The following RAD51B variants were observed in gnomAD, a reference collection of about 807,000 sequenced individuals.
RAD51B encodes DNA repair protein RAD51 homolog 2.
In RAD51B, 38 loss-of-function variants were observed where a neutral mutation model predicts 42.2. The observed-to-expected ratio is 0.90, with a 90% CI of 0.70 to 1.18. The LOEUF (loss-of-function observed/expected upper bound fraction) is 1.18. Ranked by LOEUF, RAD51B falls within the 50% of genes most tolerant of loss-of-function variation. RAD51B has a pLI of 0.00. For synonymous variants in RAD51B, 154 were observed against 145.2 expected, an observed-to-expected ratio of 1.06 and a Z score of -0.43; for missense variants, 373 against 400.7, an observed-to-expected ratio of 0.93 and a Z score of 0.59.
chr14:68,605,764 A>G (rs1245579900), intron 10 of RAD51B, among the ~76,000 whole-genome samples: 2 of 152,046 alleles, frequency 1.3e-5, no homozygotes, highest in Non-Finnish European at 2.9e-5. Context: ...ATTTGGGGGG[A>G]CACTATCCAA....
chr14:68,074,129 G>T (rs2076796851), intron 7 of RAD51B, among the ~76,000 whole-genome samples: 1 of 152,072 alleles, frequency 6.6e-6, no homozygotes, highest in Non-Finnish European at 1.5e-5. Flanking sequence ...TTTTCAAGTT[G>T]CTTGCTCTCT....
intron 7 of RAD51B, among the ~76,000 whole-genome samples, chr14:68,257,193 T>C (rs980794815): frequency 1.3e-5 from 2 of 152,138 alleles, no homozygotes; most frequent in East Asian, 3.8e-4. Flanking sequence ...TTCCAGGAGC[T>C]TGGGGAAGGA....
At chr14:68,114,729 G>A (rs2077512121) in intron 7 of RAD51B, among the ~76,000 whole-genome samples, 2 of 152,080 alleles carry the variant, frequency 1.3e-5, no homozygotes, top group Non-Finnish European at 2.9e-5. Flanking sequence ...TATTGGATGT[G>A]AGATCATCTG....
intron 7 of RAD51B, among the ~76,000 whole-genome samples, chr14:67,971,256 CT>C (rs2074893353): frequency 1.3e-5 from 2 of 151,802 alleles, no homozygotes; most frequent in Admixed American, 6.6e-5. Flanking sequence ...TAAAAGATTT[CT>C]TGTGTTTGGT....
chr14:68,652,257 C>T (rs560049808), intron 11 of RAD51B, among the ~76,000 whole-genome samples: 59 of 152,306 alleles, frequency 3.9e-4, no homozygotes, highest in Middle Eastern at 3.4e-3. Context: ...CACGCAGCCC[C>T]GATATTCTCC....
At chr14:67,925,236 T>C (rs1156906735) in intron 7 of RAD51B, among the ~76,000 whole-genome samples, 4 of 152,118 alleles carry the variant, frequency 2.6e-5, no homozygotes, top group African/African-American at 9.7e-5. Flanking sequence ...TCTGCAGCTT[T>C]TCTAGGTGAA....
At chr14:68,474,526 C>G (rs969472289) in intron 10 of RAD51B, among the ~76,000 whole-genome samples, 2 of 152,218 alleles carry the variant, frequency 1.3e-5, no homozygotes, top group African/African-American at 2.4e-5. Flanking sequence ...CCCTGATTCT[C>G]ACTTGAGGAA....
Position 68,591,703 on chromosome 14 carries a change from A to G in RAD51B, c.1037-2782A>G, listed in dbSNP as rs556430729. ...GAAAGGGTTCCCCACAACCAGCTGC[A>G]ACAAGGATCTCTCACCCTGTTGCTA... On this transcript the variant is annotated intron_variant, in intron 10 of 10. Transcript: ENST00000487270. Among the ~76,000 whole-genome samples the G allele has an allele frequency of 2.0e-5, 3 of 152,228 alleles. No homozygotes were observed. The South Asian group carries it at 6.2e-4, about 32-fold the overall frequency.
At chr14:68,612,974 T>TGTG (rs1566955263), downstream of RAD51B, among the ~76,000 whole-genome samples, 35 of 151,920 alleles carry the variant, frequency 2.3e-4, no homozygotes, top group African/African-American at 8.2e-4. Flanking sequence ...AGAGGTGTGT[T>TGTG]TGTGTGTGTG....
chr14:68,611,355 G>A (rs1891675497), exon 11 of RAD51B: 4 of 653,042 alleles, frequency 6.1e-6, no homozygotes, highest in African/African-American at 1.8e-5. Context: ...GTCCCTTTCA[G>A]CAAAGGATGT....
intron 7 of RAD51B, among the ~76,000 whole-genome samples, chr14:68,019,432 A>G (rs970989084): frequency 1.3e-5 from 2 of 152,174 alleles, no homozygotes; most frequent in Admixed American, 1.3e-4. Flanking sequence ...AGCGCTGAAC[A>G]TAAGACATGC....
intron 7 of RAD51B, among the ~76,000 whole-genome samples, chr14:67,992,737 G>A (rs1259571046): frequency 6.7e-6 from 1 of 149,190 alleles, no homozygotes; most frequent in African/African-American, 2.5e-5. Flanking sequence ...CTTAACATAA[G>A]TATTTAGAAG....
chr14:68,076,028 G>C (rs1380333047), intron 7 of RAD51B, among the ~76,000 whole-genome samples: 1 of 152,188 alleles, frequency 6.6e-6, no homozygotes, highest in Non-Finnish European at 1.5e-5. Flanking sequence ...ACATGGGCAG[G>C]GTTTAGGGGT....
chr14:68,166,204 A>C (rs1208745679), intron 7 of RAD51B, among the ~76,000 whole-genome samples: 1 of 146,484 alleles, frequency 6.8e-6, no homozygotes, highest in Admixed American at 6.9e-5. Context: ...CCAGCTATAC[A>C]TGAAGAAAAA....
chr14:68,409,312 G>T (rs560289235), intron 8 of RAD51B, among the ~76,000 whole-genome samples: 41 of 152,270 alleles, frequency 2.7e-4, no homozygotes, highest in Non-Finnish European at 4.1e-4. Context: ...AGACTGAGAG[G>T]GTTGTGAATT....
At chr14:68,598,032 C>T (rs998417941), downstream of RAD51B, among the ~76,000 whole-genome samples, 1 of 151,960 alleles carries the variant, frequency 6.6e-6, no homozygotes, top group Non-Finnish European at 1.5e-5. Flanking sequence ...AGACGGCCGT[C>T]CTAGAGACCC....
At chr14:68,483,497 A>G (rs1883363672) in intron 10 of RAD51B, among the ~76,000 whole-genome samples, 1 of 152,166 alleles carries the variant, frequency 6.6e-6, no homozygotes, top group Non-Finnish European at 1.5e-5. Flanking sequence ...TAGTGGGTTC[A>G]AGGGAGCCAT....
intron 7 of RAD51B, among the ~76,000 whole-genome samples, chr14:68,092,773 G>C (rs539612178): frequency 1.3e-5 from 2 of 152,186 alleles, no homozygotes; most frequent in Admixed American, 1.3e-4. Flanking sequence ...TCCCTGTCTT[G>C]TGCCAGTTTT....
At chr14:68,525,880 T>C (rs1182936810) in intron 10 of RAD51B, among the ~76,000 whole-genome samples, 1 of 152,192 alleles carries the variant, frequency 6.6e-6, no homozygotes, top group East Asian at 1.9e-4. Context: ...ATTCTTGGGT[T>C]TGAGAAGTTA....
Sources: gnomAD v4.1 joint callset for allele counts (sites outside exome capture counted in the v4.1 genomes callset) on GRCh38, gnomAD v4.1.1 for gene constraint, MANE v1.5 for transcripts, NCBI Gene and HGNC (gene_info 2026-07-23, HGNC 2026-07-21) for gene names.